The following RP1 variants were observed in gnomAD, a reference collection of about 807,000 sequenced individuals.
RP1 encodes RP1 axonemal microtubule associated, also known as oxygen-regulated protein 1.
A neutral mutation model predicts 14.8 loss-of-function variants in RP1; 16 were observed. The observed-to-expected ratio is 1.08, with a 90% CI of 0.73 to 1.65. The LOEUF (loss-of-function observed/expected upper bound fraction) is 1.65. Among genes scored for constraint, RP1 ranks in the 40% most tolerant of loss-of-function variants. RP1 has a pLI of 0.00. For synonymous variants in RP1, 876 were observed against 883.6 expected, an observed-to-expected ratio of 0.99 and a Z score of 0.15; for missense variants, 2,631 against 2,535.0, an observed-to-expected ratio of 1.04 and a Z score of -0.81.
At chr8:54,568,655 G>A (rs141829883) in intron 1 of RP1, among the ~76,000 whole-genome samples, 35 of 152,288 alleles carry the variant, frequency 2.3e-4, no homozygotes, top group African/African-American at 7.7e-4. Flanking sequence ...AAGGAAGTTG[G>A]GTGTGAACAA....
chr8:54,832,841 C>A (rs1188755343), intron 24 of RP1, among the ~76,000 whole-genome samples: 2 of 151,924 alleles, frequency 1.3e-5, no homozygotes, highest in African/African-American at 4.8e-5. Context: ...TTGAGAGAAT[C>A]TTTTTAGTAA....
At chr8:54,800,700 T>C (rs1272580727) in intron 24 of RP1, among the ~76,000 whole-genome samples, 5 of 152,220 alleles carry the variant, frequency 3.3e-5, no homozygotes, top group Non-Finnish European at 7.3e-5. Context: ...TTTCTTTGGT[T>C]CTTTCTTACA....
rs1807782423 is a variant in RP1, at chr8:54,693,830, C to T, written c.1718-5637C>T. Among the ~76,000 whole-genome samples, 5 of 152,234 alleles carry T rather than the reference C, an allele frequency of 3.3e-5. No individual in the cohort carries two copies. In the South Asian group the frequency reaches 1.0e-3, roughly 32 times the overall value. ...TTTATTTCCTTCTCCTGCCTAATTG[C>T]CCTGGCCAGAACTTCCAACACTATG... On this transcript the variant is annotated intron_variant, in intron 12 of 22. Transcript: ENST00000636932.
intron 4 of RP1, among the ~76,000 whole-genome samples, chr8:54,651,563 A>G (rs1265061401): frequency 6.6e-6 from 1 of 152,082 alleles, no homozygotes; most frequent in Non-Finnish European, 1.5e-5. Flanking sequence ...TATTGCTCAT[A>G]GCATTCTTTT....
chr8:54,843,973 A>G (rs1207765545), intron 25 of RP1, among the ~76,000 whole-genome samples: 1 of 152,232 alleles, frequency 6.6e-6, no homozygotes, highest in Admixed American at 6.5e-5. Flanking sequence ...GGTTCCACAA[A>G]AAATACCCAT....
chr8:54,748,917 C>T (rs1183282170), intron 19 of RP1, among the ~76,000 whole-genome samples: 1 of 151,826 alleles, frequency 6.6e-6, no homozygotes, highest in East Asian at 1.9e-4. Context: ...TTTTCTAAAC[C>T]TTTCTCATCC....
chr8:54,570,661 A>G (rs1554515495), intron 1 of RP1, among the ~76,000 whole-genome samples: 1 of 148,376 alleles, frequency 6.7e-6, no homozygotes. Flanking sequence ...TAATCAAACT[A>G]TTCTTTGTTT....
intron 3 of RP1, among the ~76,000 whole-genome samples, chr8:54,644,034 A>G (rs769272132): frequency 1.3e-5 from 2 of 152,242 alleles, no homozygotes; most frequent in African/African-American, 2.4e-5. Context: ...CTCATTTTAT[A>G]TATTATCAAA....
At position 54,625,370 on chromosome 8, in the gene RP1, T is replaced by C. The variant is rs771239983; in HGVS notation, c.1488T>C (p.Ser496=). The change falls in exon 4 of 4, where the codon TCT becomes TCC. Residue 496 remains serine, a synonymous_variant. Transcript: ENST00000220676. The part of the protein sequence containing the change: ...SEERESGENK[S]EYHMFTHSCS... ...AAAGGGAAAGTGGGGAAAACAAGTC[T>C]GAGTATCACATGTTTACACATTCTT... The C allele has an allele frequency of 1.2e-6, 2 of 1,614,090 alleles. No homozygotes were observed. The highest frequency in any genetic ancestry group is 2.2e-5 in the South Asian group (2 of 91,082).
At chr8:54,705,269 T>C (rs1347675827) in intron 14 of RP1, among the ~76,000 whole-genome samples, 1 of 151,864 alleles carries the variant, frequency 6.6e-6, no homozygotes, top group Non-Finnish European at 1.5e-5. Context: ...AGGATACAGA[T>C]TAAAATTGGC....
intron 23 of RP1, among the ~76,000 whole-genome samples, chr8:54,777,492 T>C (rs1303623576): frequency 6.6e-6 from 1 of 152,218 alleles, no homozygotes; most frequent in Non-Finnish European, 1.5e-5. Context: ...GTCGAAACCA[T>C]TTTAATCTAG....
intron 15 of RP1, among the ~76,000 whole-genome samples, chr8:54,708,638 C>G (rs373340576): frequency 6.6e-6 from 1 of 151,936 alleles, no homozygotes; most frequent in Non-Finnish European, 1.5e-5. Context: ...GGATTACAGG[C>G]GTGAGCCACT....
chr8:54,851,009 C>T (rs545108406), intron 25 of RP1, among the ~76,000 whole-genome samples: 98 of 152,202 alleles, frequency 6.4e-4, no homozygotes, highest in African/African-American at 2.3e-3. Context: ...ATTTCTGGTA[C>T]ATTTTCTTTC....
chr8:54,630,818 C>T lies in RP1; in HGVS notation c.*465C>T, dbSNP rs1022454824. On this transcript the variant is annotated 3_prime_UTR_variant, in exon 4 of 4. Coordinates refer to ENST00000220676, the MANE Select transcript of RP1 (RefSeq NM_006269.2). ...AAGTATGATTATAAGATATCCACGA[C>T]AATCTCATAGTTTCTTGTGCCAAAT... 5.0e-6 allele frequency: 5 copies of T among 997,460 alleles called. No homozygotes were observed. In the Admixed American group the frequency reaches 2.8e-4, roughly 56 times the overall value. The allele number at this position is 997,460 out of a possible 1,614,324, so 61.8% of individuals were successfully genotyped here.
chr8:54,702,556 G>A (rs138887924), intron 14 of RP1, among the ~76,000 whole-genome samples: 1,806 of 152,212 alleles, frequency 0.012, 16 homozygotes, highest in Middle Eastern at 0.031. Flanking sequence ...TTGCTGTAGC[G>A]GGGGGTCTTG....
At chr8:54,865,875 A>G in exon 28 of RP1, 1 of 1,230,238 alleles carries the variant, frequency 8.1e-7, no homozygotes, top group Non-Finnish European at 1.0e-6. Flanking sequence ...TTAAGTCTGA[A>G]GATGAAGACA....
At chr8:54,787,836 T>G (rs1489116045) in intron 24 of RP1, among the ~76,000 whole-genome samples, 1 of 152,198 alleles carries the variant, frequency 6.6e-6, no homozygotes, top group African/African-American at 2.4e-5. Context: ...ACAATTTATA[T>G]CACCAGCAAT....
chr8:54,576,404 G>A (rs1289808255), intron 1 of RP1, among the ~76,000 whole-genome samples: 1 of 152,188 alleles, frequency 6.6e-6, no homozygotes, highest in Non-Finnish European at 1.5e-5. Flanking sequence ...ACAGCTGCTG[G>A]CTTAACAACT....
At chr8:54,587,444 G>A (rs78808154) in intron 1 of RP1, among the ~76,000 whole-genome samples, 2 of 132,074 alleles carry the variant, frequency 1.5e-5, no homozygotes, top group Non-Finnish European at 3.3e-5. Flanking sequence ...AAAAAAAAAA[G>A]AGAGAGAGAG....
Sources: allele counts gnomAD v4.1 joint callset (sites outside exome capture counted in the v4.1 genomes callset), GRCh38; gene constraint gnomAD v4.1.1; transcripts MANE v1.5; gene names NCBI Gene and HGNC (gene_info 2026-07-23, HGNC 2026-07-21).